Variants in XPR1 observed in about 807,000 individuals in gnomAD.
The protein encoded by XPR1 is xenotropic and polytropic retrovirus receptor 1.
XPR1 carries 28 observed loss-of-function variants against 87.5 expected under a neutral mutation model. The observed-to-expected ratio is 0.32, with a 90% confidence interval of 0.24 to 0.44. The LOEUF is 0.44. XPR1 is among the 20% of genes least tolerant of loss of function. The pLI, the probability that XPR1 is intolerant of heterozygous loss-of-function variation, is 1.00. For synonymous variants in XPR1, 300 were observed against 306.1 expected (o/e 0.98, Z 0.21); for missense variants, 559 against 862.3 (o/e 0.65, Z 4.41).
Position 180,821,088 on chromosome 1 carries a change from T to G in XPR1, c.764-3665T>G, listed in dbSNP as rs531573163. Among the ~76,000 whole-genome samples, 57 of 152,338 alleles carry G rather than the reference T, an allele frequency of 3.7e-4. 3 individuals are homozygous for G. In the South Asian group the frequency reaches 0.01, roughly 27 times the overall value. Reference sequence around the variant, plus strand: ...TCATTTATCTGTTTTTCCTTTTGTTTCATGTACTTTTGTTGTGATACCTAA... The same window carrying G: ...TCATTTATCTGTTTTTCCTTTTGTTGCATGTACTTTTGTTGTGATACCTAA... On this transcript the variant is annotated intron_variant, in intron 7 of 14. Transcript: ENST00000367590.
In XPR1 at chr1:180,825,283, T is replaced by G. The variant is rs1175228251; in HGVS notation, c.1073T>G (p.Phe358Cys). 6.2e-7 allele frequency: 1 copy of G among 1,614,108 alleles called. No individual in the cohort carries two copies. Among genetic ancestry groups the G allele is most frequent in the Non-Finnish European group, 8.5e-7 (1 of 1,179,978 alleles). Residue 358 changes from phenylalanine to cysteine, a missense_variant, in exon 9 of 15, where the codon TTC (phenylalanine) becomes TGC (cysteine). Phe to Cys is a radical substitution (Grantham distance 205). Around this residue, in one of 7 missense-constraint regions of XPR1, gnomAD observed 264 missense variants for 377.2 expected, o/e 0.70. Transcript: ENST00000367590. ...PLALYGFMVF[F>C]LINPTKTFYY... The stretch of plus-strand genomic sequence containing the variant: ...GCCCTTTATGGATTTATGGTTTTCT[T>G]CCTTATCAACCCCACCAAAACTTTC...
chr1:180,816,862 A>G (rs1650429841), intron 7 of XPR1, among the ~76,000 whole-genome samples: 1 of 152,224 alleles, frequency 6.6e-6, no homozygotes, highest in South Asian at 2.1e-4. Flanking sequence ...CCTCCTACTT[A>G]TTAATAAAAG....
chr1:180,874,922 A>G (rs1419594138), intron 13 of XPR1, among the ~76,000 whole-genome samples: 1 of 152,246 alleles, frequency 6.6e-6, no homozygotes, highest in African/African-American at 2.4e-5. Context: ...CTACAAGTAA[A>G]TTTACAATTT....
chr1:180,713,455 C>T (rs1474374260), intron 2 of XPR1, among the ~76,000 whole-genome samples: 3 of 152,264 alleles, frequency 2.0e-5, no homozygotes, highest in Admixed American at 6.5e-5. Flanking sequence ...TTTACTTCTA[C>T]CTTTCCAAGC....
chr1:180,750,603 A>G (rs1159264854), intron 2 of XPR1, among the ~76,000 whole-genome samples: 1 of 152,086 alleles, frequency 6.6e-6, no homozygotes. Flanking sequence ...CTTATTCCAT[A>G]GGGTTTATCT....
chr1:180,653,170 TTATTTGTACA>T (rs1327219074), intron 1 of XPR1, among the ~76,000 whole-genome samples: 2 of 152,174 alleles, frequency 1.3e-5, no homozygotes, highest in African/African-American at 2.4e-5. Flanking sequence ...CATTCTCTTG[TTATTTGTACA>T]ATATTCTGAT....
chr1:180,748,774 A>C (rs1647393034), intron 2 of XPR1, among the ~76,000 whole-genome samples: 1 of 152,114 alleles, frequency 6.6e-6, no homozygotes, highest in Admixed American at 6.5e-5. Flanking sequence ...CTGCTTGCAT[A>C]TCTCTTCCCA....
intron 9 of XPR1, among the ~76,000 whole-genome samples, chr1:180,828,305 A>T (rs1650935171): frequency 6.6e-6 from 1 of 152,196 alleles, no homozygotes; most frequent in Non-Finnish European, 1.5e-5. Flanking sequence ...AAGCTAAAAA[A>T]ATTTATAAGA....
In XPR1 at chr1:180,771,376, A is replaced by G. The variant is rs116762386; in HGVS notation, c.122-16377A>G. On this transcript the variant is annotated intron_variant, in intron 2 of 14. Coordinates refer to ENST00000367590, the MANE Select transcript of XPR1 (RefSeq NM_004736.4). ...AAACTTACAGAAAAGTTGCAAGAAT[A>G]TTACAGAAGAGTTCATATATACTCT... Among the ~76,000 whole-genome samples, 1,467 of 152,304 alleles carry G rather than the reference A, an allele frequency of 9.6e-3. 28 individuals are homozygous for G. Among genetic ancestry groups the G allele is most frequent in the African/African-American group, 0.033 (1,365 of 41,556 alleles).
At chr1:180,832,989 A>C (rs2102164419) in intron 9 of XPR1, among the ~76,000 whole-genome samples, 1 of 152,348 alleles carries the variant, frequency 6.6e-6, no homozygotes, top group East Asian at 1.9e-4. Context: ...CTTCCTATCC[A>C]TGAGCATGAG....
Position 180,769,935 on chromosome 1 carries a change from A to G in XPR1, c.122-17818A>G, listed in dbSNP as rs914959034. 3.3e-5 allele frequency among the ~76,000 whole-genome samples: 5 copies of G among 152,182 alleles called. No individual in the cohort carries two copies. In the East Asian group the frequency reaches 9.6e-4, roughly 29 times the overall value. ...CCCTGTTCTCCACATCCTTGCCAGC[A>G]TTTGTTATTGCCTGTCTTTTGGATA... On this transcript the variant is annotated intron_variant, in intron 2 of 14. Transcript: ENST00000367590.
intron 9 of XPR1, among the ~76,000 whole-genome samples, chr1:180,834,026 G>A (rs966770920): frequency 8.6e-5 from 13 of 151,702 alleles, no homozygotes; most frequent in Non-Finnish European, 5.9e-5. Flanking sequence ...GAGTAGGAAC[G>A]TTCATAGAAT....
chr1:180,824,733 A>G lies in XPR1; in HGVS notation c.764-20A>G, dbSNP rs746978849. On this transcript the variant is annotated intron_variant, in intron 7 of 14. Transcript: ENST00000367590. The stretch of plus-strand genomic sequence containing the variant: ...AAGTTATGAATTTTATAACTGACCA[A>G]TATCTTAATATTCTTTCAGCTGTAT... 13 of 1,581,384 alleles carry G rather than the reference A, an allele frequency of 8.2e-6. No individual in the cohort carries two copies. The highest frequency in any genetic ancestry group is 4.5e-5 in the East Asian group (2 of 44,674).
At chr1:180,763,467 GGGTAAGCT>G (rs1157374579) in intron 2 of XPR1, among the ~76,000 whole-genome samples, 3 of 152,168 alleles carry the variant, frequency 2.0e-5, no homozygotes, top group Non-Finnish European at 4.4e-5. Context: ...CGGAGTCTGT[GGGTAAGCT>G]GGAAGAAATG....
At chr1:180,743,983 C>G (rs891391076) in intron 2 of XPR1, among the ~76,000 whole-genome samples, 4 of 152,146 alleles carry the variant, frequency 2.6e-5, no homozygotes, top group African/African-American at 9.7e-5. Context: ...GGAGTTTACT[C>G]AGCTTCTTGA....
intron 2 of XPR1, among the ~76,000 whole-genome samples, chr1:180,775,870 G>T (rs10753223): frequency 6.6e-6 from 1 of 151,940 alleles, no homozygotes; most frequent in Non-Finnish European, 1.5e-5. Context: ...CCAGATATAT[G>T]TGGATATATT....
chr1:180,846,883 AAT>A (rs143045734), intron 11 of XPR1, among the ~76,000 whole-genome samples: 1 of 152,134 alleles, frequency 6.6e-6, no homozygotes, highest in Non-Finnish European at 1.5e-5. Flanking sequence ...GATGCCACTT[AAT>A]AGGAAGGAAA....
At chr1:180,880,049 T>C in intron 13 of XPR1, 27 bp from the exon 14 acceptor site, 1 of 1,612,350 alleles carries the variant, frequency 6.2e-7, no homozygotes, top group Non-Finnish European at 8.5e-7. Flanking sequence ...ATTTCATAAG[T>C]ACTTTGATCT....
chr1:180,749,708 A>G (rs535111465), intron 2 of XPR1, among the ~76,000 whole-genome samples: 1 of 150,334 alleles, frequency 6.7e-6, no homozygotes, highest in East Asian at 1.9e-4. Context: ...TTATTAGCAT[A>G]CTACTACATC....
Sources: allele counts gnomAD v4.1 joint callset (sites outside exome capture counted in the v4.1 genomes callset), GRCh38; gene constraint gnomAD v4.1.1; regional missense constraint gnomAD v4.1.1; transcripts MANE v1.5; gene names NCBI Gene and HGNC (gene_info 2026-07-23, HGNC 2026-07-21).